The following PHEX variants were observed in gnomAD, a reference collection of about 807,000 sequenced individuals.
The protein encoded by PHEX is phosphate-regulating neutral endopeptidase PHEX.
PHEX carries 16 observed loss-of-function variants against 68.0 expected under a neutral mutation model. That is an observed-to-expected ratio of 0.24 (90% CI 0.16 to 0.36). The LOEUF (loss-of-function observed/expected upper bound fraction) is 0.36. Ranked by LOEUF, PHEX falls within the 10% of genes least tolerant of loss-of-function variation. The probability of loss-of-function intolerance (pLI) is 1.00; values close to 1 mark genes in which losing one functional copy is unlikely to be tolerated. For synonymous variants in PHEX, 208 were observed against 205.1 expected, an observed-to-expected ratio of 1.01 and a Z score of -0.12; for missense variants, 480 against 575.5, an observed-to-expected ratio of 0.83 and a Z score of 1.70.
rs929679200 is a variant in PHEX at position 22,230,298 on chromosome X, C to G, written c.2070+2687C>G. Among the ~76,000 whole-genome samples, 5 of 55,986 alleles carry G rather than the reference C, an allele frequency of 8.9e-5. No homozygotes were observed. In the Admixed American group the frequency reaches 9.0e-4, roughly 10 times the overall value. 48.6% of individuals were successfully genotyped at this position (55,986 alleles called of 115,157 possible). A position where few individuals can be genotyped will look rare whatever the true frequency, so the allele number is the denominator to read the frequency against. The stretch of plus-strand genomic sequence containing the variant: ...GAAGTTTAAAGTAGTTTTTTCCATT[C>G]TGTGAAGAAAGAAAGTCAATGGTAG... On this transcript the variant is annotated intron_variant, in intron 20 of 21. Coordinates refer to ENST00000379374, the MANE Select transcript of PHEX (RefSeq NM_000444.6).
chrX:22,139,882 C>A (rs1249845242), intron 12 of PHEX, among the ~76,000 whole-genome samples: 1 of 110,726 alleles, frequency 9.0e-6, no homozygotes, highest in Non-Finnish European at 1.9e-5. Context: ...TGATATCTTA[C>A]CGGAGTGATT....
chrX:22,161,597 T>A (rs754336619), intron 12 of PHEX, among the ~76,000 whole-genome samples: 1 of 112,450 alleles, frequency 8.9e-6, no homozygotes, highest in East Asian at 2.8e-4. Flanking sequence ...AAATTATTCA[T>A]TATATGAATT....
At chrX:22,056,490 A>T (rs994631506) in intron 3 of PHEX, among the ~76,000 whole-genome samples, 5 of 110,986 alleles carry the variant, frequency 4.5e-5, no homozygotes, top group African/African-American at 1.6e-4. Flanking sequence ...CAAGGGATAC[A>T]GAAGTACAAA....
At chrX:22,098,323 T>G (rs1930241177) in intron 8 of PHEX, among the ~76,000 whole-genome samples, 1 of 106,826 alleles carries the variant, frequency 9.4e-6, no homozygotes, top group African/African-American at 3.4e-5. Context: ...GGAAGAGTAC[T>G]GGACAGGGAG....
intron 2 of PHEX, among the ~76,000 whole-genome samples, chrX:22,040,807 C>A (rs765606088): frequency 5.5e-5 from 6 of 108,973 alleles, no homozygotes; most frequent in African/African-American, 2.0e-4. Flanking sequence ...TGCTCGAAAG[C>A]CTCTGGAGGC....
chrX:22,224,458 A>AGTCAATTAC (rs1569433060), intron 18 of PHEX, among the ~76,000 whole-genome samples: 1 of 112,041 alleles, frequency 8.9e-6, no homozygotes, highest in Non-Finnish European at 1.9e-5. Flanking sequence ...ACTGCACATC[A>AGTCAATTAC]GTCAATTACT....
intron 9 of PHEX, among the ~76,000 whole-genome samples, chrX:22,101,136 A>G (rs1394965936): frequency 8.9e-6 from 1 of 112,017 alleles, no homozygotes; most frequent in African/African-American, 3.2e-5. Flanking sequence ...AGGTCGCACC[A>G]CTGCACTCCA....
At chrX:22,215,251 G>T (rs1935051193) in intron 16 of PHEX, among the ~76,000 whole-genome samples, 1 of 111,160 alleles carries the variant, frequency 9.0e-6, no homozygotes. Flanking sequence ...AGACTTGTTT[G>T]TCCTCATCCA....
intron 11 of PHEX, among the ~76,000 whole-genome samples, chrX:22,125,632 T>C (rs1931684480): frequency 9.0e-6 from 1 of 111,724 alleles, no homozygotes; most frequent in Non-Finnish European, 1.9e-5. Context: ...AGTCACTTGA[T>C]TTCCACTAAA....
intron 18 of PHEX, among the ~76,000 whole-genome samples, chrX:22,222,881 T>C (rs1935315621): frequency 8.9e-6 from 1 of 111,889 alleles, no homozygotes; most frequent in Non-Finnish European, 1.9e-5. Flanking sequence ...CGGTAGAGTC[T>C]AGATTAGAGT....
chrX:22,110,987 A>G (rs973181539), intron 9 of PHEX, among the ~76,000 whole-genome samples: 14 of 112,205 alleles, frequency 1.2e-4, no homozygotes, highest in African/African-American at 4.2e-4. Context: ...GTGGGAGGAA[A>G]CCACAGCACC....
At chrX:22,169,208 T>C (rs1028192932) in intron 13 of PHEX, among the ~76,000 whole-genome samples, 2 of 111,979 alleles carry the variant, frequency 1.8e-5, no homozygotes, top group African/African-American at 6.5e-5. Flanking sequence ...CATCAAAATT[T>C]TACAAGACTA....
intron 20 of PHEX, among the ~76,000 whole-genome samples, chrX:22,236,471 A>AAAAC (rs1373904788): frequency 8.8e-6 from 1 of 113,040 alleles, no homozygotes; most frequent in Non-Finnish European, 1.9e-5. Flanking sequence ...TGAAATGACT[A>AAAAC]AAACTAACAG....
intron 20 of PHEX, among the ~76,000 whole-genome samples, chrX:22,240,845 C>A (rs190872554): frequency 5.5e-5 from 6 of 110,029 alleles, no homozygotes; most frequent in Admixed American, 9.6e-5. Flanking sequence ...ACACTACTGC[C>A]AACACTAGAC....
intron 9 of PHEX, among the ~76,000 whole-genome samples, chrX:22,109,688 G>A (rs761922372): frequency 5.4e-5 from 6 of 111,776 alleles, no homozygotes; most frequent in African/African-American, 2.0e-4. Context: ...GCACAGCTGG[G>A]AGGGGAATGG....
chrX:22,072,091 G>C (rs1928926859), intron 3 of PHEX, among the ~76,000 whole-genome samples: 2 of 112,900 alleles, frequency 1.8e-5, no homozygotes, highest in Non-Finnish European at 3.7e-5. Flanking sequence ...AGCTGGGCAT[G>C]GTGGCGCATG....
intron 2 of PHEX, among the ~76,000 whole-genome samples, chrX:22,045,007 A>G (rs989776650): frequency 1.2e-4 from 13 of 107,117 alleles, no homozygotes; most frequent in African/African-American, 3.8e-4. Flanking sequence ...TTCTAAACCA[A>G]TTTTTTGCTA....
chrX:22,223,537 G>T (rs775503477), intron 18 of PHEX, among the ~76,000 whole-genome samples: 1 of 111,794 alleles, frequency 8.9e-6, no homozygotes, highest in East Asian at 2.8e-4. Context: ...TTGAACCTAG[G>T]ATTTTGATAC....
chrX:22,121,671 A>G (rs1419976991), intron 11 of PHEX, among the ~76,000 whole-genome samples: 1 of 112,402 alleles, frequency 8.9e-6, no homozygotes, highest in Non-Finnish European at 1.9e-5. Context: ...TCAGATTCAG[A>G]TTTTATTAAG....
Sources: gnomAD v4.1 joint callset for allele counts (sites outside exome capture counted in the v4.1 genomes callset) on GRCh38, gnomAD v4.1.1 for gene constraint, MANE v1.5 for transcripts, NCBI Gene and HGNC (gene_info 2026-07-23, HGNC 2026-07-21) for gene names.